Variants in CNTNAP5 observed in about 807,000 individuals in gnomAD.
The protein encoded by CNTNAP5 is contactin-associated protein-like 5.
Under a neutral mutation model 150.2 loss-of-function variants are expected in CNTNAP5, and 72 were observed. That is an observed-to-expected ratio of 0.48 (90% CI 0.40 to 0.58). CNTNAP5 has a LOEUF of 0.58. Ranked by LOEUF, CNTNAP5 falls within the 20% of genes least tolerant of loss-of-function variation. CNTNAP5 has a pLI of 0.00. For synonymous variants in CNTNAP5, 672 were observed against 619.8 expected, an observed-to-expected ratio of 1.08 and a Z score of -1.25; for missense variants, 1,636 against 1,626.2, an observed-to-expected ratio of 1.01 and a Z score of -0.10.
intron 19 of CNTNAP5, among the ~76,000 whole-genome samples, chr2:124,826,912 T>C (rs536403022): frequency 1.0e-3 from 156 of 151,952 alleles, no homozygotes; most frequent in Non-Finnish European, 1.8e-3. Flanking sequence ...CTACGAAAAT[T>C]TTTTTCTTTT....
At chr2:124,340,748 G>C (rs1396461841) in intron 3 of CNTNAP5, among the ~76,000 whole-genome samples, 8 of 150,212 alleles carry the variant, frequency 5.3e-5, no homozygotes, top group Non-Finnish European at 1.0e-4. Context: ...GTGATAATCT[G>C]TCTCTACCAA....
chr2:124,779,486 T>G (rs1681402589), intron 17 of CNTNAP5, among the ~76,000 whole-genome samples: 1 of 152,228 alleles, frequency 6.6e-6, no homozygotes, highest in Non-Finnish European at 1.5e-5. Flanking sequence ...GAATCAGGTA[T>G]ATTTTTCGTG....
chr2:124,918,485 C>G lies in CNTNAP5; in HGVS notation c.*4197C>G, dbSNP rs2104775844. 6.6e-6 allele frequency among the ~76,000 whole-genome samples: 1 copy of G among 152,186 alleles called. No homozygotes were observed. Among genetic ancestry groups the G allele is most frequent in the East Asian group, 1.9e-4 (1 of 5,158 alleles). Reference sequence around the variant, plus strand: ...GCTCCCTCTCTGCAGGAAGTTAATTCAGTTAGAAGAGTTGCACTGGGAGGG... The same window carrying G: ...GCTCCCTCTCTGCAGGAAGTTAATTGAGTTAGAAGAGTTGCACTGGGAGGG... On this transcript the variant is annotated 3_prime_UTR_variant, in exon 24 of 24. Coordinates refer to ENST00000682447, the MANE Select transcript of CNTNAP5 (RefSeq NM_001367498.1).
At chr2:124,542,365 C>T (rs1428928530) in intron 10 of CNTNAP5, among the ~76,000 whole-genome samples, 2 of 151,068 alleles carry the variant, frequency 1.3e-5, no homozygotes, top group Admixed American at 6.6e-5. Flanking sequence ...AGATAAGAAA[C>T]CTGAAAGCAG....
At chr2:124,190,946 C>A (rs1483475491) in intron 1 of CNTNAP5, among the ~76,000 whole-genome samples, 1 of 152,122 alleles carries the variant, frequency 6.6e-6, no homozygotes, top group South Asian at 2.1e-4. Context: ...GGGAGGATAC[C>A]ACTCCATGTG....
At chr2:124,307,100 T>C (rs1688712360) in intron 3 of CNTNAP5, among the ~76,000 whole-genome samples, 1 of 152,152 alleles carries the variant, frequency 6.6e-6, no homozygotes, top group Non-Finnish European at 1.5e-5. Flanking sequence ...AGGATGCTAT[T>C]AGCCTGGATG....
At chr2:124,139,664 G>T (rs886670598) in intron 1 of CNTNAP5, among the ~76,000 whole-genome samples, 1 of 152,080 alleles carries the variant, frequency 6.6e-6, no homozygotes, top group African/African-American at 2.4e-5. Flanking sequence ...CCTTCCTTCG[G>T]TCTCTCATTA....
At chr2:124,148,046 T>TGCCCATGCCTTGCCTCACACC (rs1403028985) in intron 1 of CNTNAP5, among the ~76,000 whole-genome samples, 1 of 152,198 alleles carries the variant, frequency 6.6e-6, no homozygotes, top group Admixed American at 6.5e-5. Context: ...TCACTCACAC[T>TGCCCATGCCTTGCCTCACACC]GCCCATGCCT....
chr2:124,452,313 C>T (rs761967587), intron 6 of CNTNAP5, among the ~76,000 whole-genome samples: 2 of 151,996 alleles, frequency 1.3e-5, no homozygotes, highest in Non-Finnish European at 2.9e-5. Context: ...AGCAAAGGCA[C>T]CCATAATCCT....
intron 16 of CNTNAP5, among the ~76,000 whole-genome samples, chr2:124,768,296 TGTG>T (rs1490995619): frequency 8.8e-5 from 13 of 148,058 alleles, no homozygotes; most frequent in Non-Finnish European, 1.4e-4. Flanking sequence ...TGTGTGTGTG[TGTG>T]TGTGTGTGTG....
intron 10 of CNTNAP5, 89 bp downstream of exon 10, chr2:124,527,545 C>T (rs1695002934): frequency 9.5e-7 from 1 of 1,055,486 alleles, no homozygotes; most frequent in Non-Finnish European, 1.4e-6. Context: ...AATTCTAATC[C>T]ACCGACATTA....
intron 7 of CNTNAP5, among the ~76,000 whole-genome samples, chr2:124,499,172 G>C (rs1409809541): frequency 6.6e-6 from 1 of 151,978 alleles, no homozygotes; most frequent in Non-Finnish European, 1.5e-5. Flanking sequence ...CTAAATATTT[G>C]TAACAAGAAT....
At chr2:124,344,313 A>T (rs1689687218) in intron 3 of CNTNAP5, among the ~76,000 whole-genome samples, 1 of 152,074 alleles carries the variant, frequency 6.6e-6, no homozygotes, top group African/African-American at 2.4e-5. Flanking sequence ...CTAAAGTCTC[A>T]CCTGAGACTG....
intron 16 of CNTNAP5, among the ~76,000 whole-genome samples, chr2:124,766,122 G>A (rs1032623367): frequency 2.6e-5 from 4 of 152,118 alleles, no homozygotes; most frequent in East Asian, 3.9e-4. Flanking sequence ...TTTTAGTGAC[G>A]TTTGCTATTT....
At chr2:124,354,363 A>C (rs1164240831) in intron 3 of CNTNAP5, among the ~76,000 whole-genome samples, 1 of 152,192 alleles carries the variant, frequency 6.6e-6, no homozygotes, top group East Asian at 1.9e-4. Flanking sequence ...AATCTCCAAA[A>C]ACAACGAAAA....
chr2:124,517,881 G>T (rs1289573018), intron 8 of CNTNAP5, among the ~76,000 whole-genome samples: 7 of 150,668 alleles, frequency 4.6e-5, no homozygotes, highest in Non-Finnish European at 8.9e-5. Context: ...TTGTAGTGTT[G>T]GTGATGGAGG....
chr2:124,890,225 CT>C (rs144199953), intron 21 of CNTNAP5, among the ~76,000 whole-genome samples: 28 of 152,192 alleles, frequency 1.8e-4, no homozygotes, highest in African/African-American at 6.5e-4. Flanking sequence ...TGAAATTTTG[CT>C]AAAATCTTTC....
intron 4 of CNTNAP5, among the ~76,000 whole-genome samples, chr2:124,421,070 A>T (rs1037182987): frequency 2.6e-5 from 4 of 152,118 alleles, no homozygotes; most frequent in African/African-American, 9.7e-5. Context: ...CTCACTTGCT[A>T]ATTGGCTATC....
intron 9 of CNTNAP5, among the ~76,000 whole-genome samples, chr2:124,524,873 G>GC (rs1443489044): frequency 6.6e-6 from 1 of 152,136 alleles, no homozygotes; most frequent in East Asian, 1.9e-4. Flanking sequence ...TAGCACCCAG[G>GC]CCCTTCCTCT....
Sources: allele counts gnomAD v4.1 joint callset (sites outside exome capture counted in the v4.1 genomes callset), GRCh38; gene constraint gnomAD v4.1.1; transcripts MANE v1.5; gene names NCBI Gene and HGNC (gene_info 2026-07-23, HGNC 2026-07-21).